Variants in CSMD3 observed in about 807,000 individuals in gnomAD.
CSMD3 encodes CUB and Sushi multiple domains 3.
Under a neutral mutation model 435.2 loss-of-function variants are expected in CSMD3, and 177 were observed. That is an observed-to-expected ratio of 0.41 (90% CI 0.36 to 0.46). The LOEUF is 0.46. Among genes scored for constraint, CSMD3 ranks in the 20% least tolerant of loss-of-function variants. CSMD3 has a pLI of 0.34. For synonymous variants in CSMD3, 1,656 were observed against 1,520.5 expected (o/e 1.09, Z -2.07); for missense variants, 4,265 against 4,504.6 (o/e 0.95, Z 1.52).
intron 60 of CSMD3, among the ~76,000 whole-genome samples, chr8:112,264,104 C>A (rs1816705390): frequency 6.6e-6 from 1 of 152,026 alleles, no homozygotes; most frequent in Non-Finnish European, 1.5e-5. Context: ...GACCTTCAAT[C>A]TAGTATACTG....
At chr8:113,380,474 A>C (rs2094410293) in intron 1 of CSMD3, among the ~76,000 whole-genome samples, 1 of 152,198 alleles carries the variant, frequency 6.6e-6, no homozygotes, top group South Asian at 2.1e-4. Context: ...AAAGAATTAG[A>C]AAAATATGAA....
chr8:112,299,961 A>G (rs942095014), intron 53 of CSMD3, among the ~76,000 whole-genome samples: 6 of 151,616 alleles, frequency 4.0e-5, no homozygotes, highest in African/African-American at 1.4e-4. Flanking sequence ...GAATAAAACC[A>G]CATACTATAT....
chr8:112,989,882 A>T lies in CSMD3; in HGVS notation c.1031-13734T>A, dbSNP rs1023912046. On this transcript the variant is annotated intron_variant, in intron 6 of 70. Coordinates refer to ENST00000297405, the MANE Select transcript of CSMD3 (RefSeq NM_198123.2). ...CTCATCTTGAATTGGAATAATCCTC[A>T]TATGTCAAGGGCAATGCCAGATGGA... is the stretch of plus-strand genomic sequence containing the variant. 2.6e-5 allele frequency among the ~76,000 whole-genome samples: 4 copies of T among 151,950 alleles called. No individual in the cohort carries two copies. The East Asian group carries it at 7.7e-4, about 29-fold the overall frequency.
chr8:113,108,152 G>T (rs1368607297), intron 4 of CSMD3, among the ~76,000 whole-genome samples: 2 of 152,068 alleles, frequency 1.3e-5, no homozygotes, highest in African/African-American at 4.8e-5. Flanking sequence ...ATATGAGGCT[G>T]GGGATGGTGG....
intron 59 of CSMD3, among the ~76,000 whole-genome samples, chr8:112,271,645 A>C (rs568970420): frequency 2.6e-5 from 4 of 152,318 alleles, no homozygotes; most frequent in Admixed American, 1.3e-4. Flanking sequence ...CTCTCTAAGA[A>C]ACCATTTATT....
At chr8:112,811,817 A>G (rs13261160) in intron 12 of CSMD3, among the ~76,000 whole-genome samples, 35,830 of 152,036 alleles carry the variant, frequency 0.24, 5,037 homozygotes, top group Non-Finnish European at 0.32. Context: ...TATTTTCTCA[A>G]TACTTGATGT....
At chr8:112,542,490 A>C (rs938638281) in intron 27 of CSMD3, among the ~76,000 whole-genome samples, 1 of 152,052 alleles carries the variant, frequency 6.6e-6, no homozygotes, top group African/African-American at 2.4e-5. Flanking sequence ...ACATACAAAA[A>C]TCAATTGTGT....
At chr8:112,801,614 A>G (rs374469639) in intron 12 of CSMD3, among the ~76,000 whole-genome samples, 3 of 152,082 alleles carry the variant, frequency 2.0e-5, no homozygotes, top group African/African-American at 7.2e-5. Flanking sequence ...TATTGTCTAT[A>G]TATACACATA....
intron 12 of CSMD3, among the ~76,000 whole-genome samples, chr8:112,823,761 T>C (rs2079594557): frequency 6.6e-6 from 1 of 152,194 alleles, no homozygotes; most frequent in African/African-American, 2.4e-5. Flanking sequence ...AATTTTAGAA[T>C]AAAGGCCATG....
chr8:113,170,814 A>T (rs1034383600), intron 4 of CSMD3, among the ~76,000 whole-genome samples: 1 of 151,930 alleles, frequency 6.6e-6, no homozygotes. Context: ...AGCTGAGGAG[A>T]AAAAAAAGTG....
chr8:112,827,838 G>C (rs1173323126), intron 12 of CSMD3, among the ~76,000 whole-genome samples: 1 of 152,136 alleles, frequency 6.6e-6, no homozygotes, highest in African/African-American at 2.4e-5. Flanking sequence ...GCCACAAAGA[G>C]GCCCTCTCCA....
intron 12 of CSMD3, among the ~76,000 whole-genome samples, chr8:112,828,856 G>A (rs896478438): frequency 3.3e-5 from 5 of 152,040 alleles, no homozygotes; most frequent in African/African-American, 1.2e-4. Flanking sequence ...AGGTGAGTAA[G>A]TTTGGTTTTT....
At chr8:112,377,511 T>A (rs959811065) in intron 38 of CSMD3, among the ~76,000 whole-genome samples, 6 of 152,088 alleles carry the variant, frequency 3.9e-5, no homozygotes, top group Non-Finnish European at 8.8e-5. Flanking sequence ...CAGTCAGCCC[T>A]GCCCTAATAC....
At chr8:112,888,045 A>C (rs2081662010) in intron 10 of CSMD3, among the ~76,000 whole-genome samples, 1 of 151,676 alleles carries the variant, frequency 6.6e-6, no homozygotes, top group African/African-American at 2.4e-5. Flanking sequence ...CAAAAATAAC[A>C]AATATAAATC....
At chr8:112,439,599 C>A (rs1814759416) in intron 32 of CSMD3, among the ~76,000 whole-genome samples, 1 of 152,038 alleles carries the variant, frequency 6.6e-6, no homozygotes, top group Admixed American at 6.6e-5. Context: ...AACTGCCTGA[C>A]ACTACGTAAT....
intron 4 of CSMD3, among the ~76,000 whole-genome samples, chr8:113,151,905 C>A (rs1225697012): frequency 6.6e-6 from 1 of 151,940 alleles, no homozygotes; most frequent in Non-Finnish European, 1.5e-5. Flanking sequence ...GGAAATATAA[C>A]CAGATGTGGC....
At chr8:113,195,814 TACACACACACAC>T (rs1015240509) in intron 3 of CSMD3, among the ~76,000 whole-genome samples, 4 of 133,444 alleles carry the variant, frequency 3.0e-5, no homozygotes, top group Admixed American at 7.5e-5. Context: ...TATATATATA[TACACACACACAC>T]ACACACACAC....
intron 3 of CSMD3, among the ~76,000 whole-genome samples, chr8:113,208,016 G>T (rs2092790865): frequency 6.6e-6 from 1 of 152,252 alleles, no homozygotes; most frequent in Non-Finnish European, 1.5e-5. Context: ...GCCGATGGTA[G>T]AATGCTTTAT....
intron 4 of CSMD3, among the ~76,000 whole-genome samples, chr8:113,167,316 T>C (rs765010023): frequency 6.6e-6 from 1 of 152,180 alleles, no homozygotes; most frequent in Non-Finnish European, 1.5e-5. Context: ...TGTTAAGCAT[T>C]AAATAAATTT....
Sources: allele counts gnomAD v4.1 joint callset (sites outside exome capture counted in the v4.1 genomes callset), GRCh38; gene constraint gnomAD v4.1.1; transcripts MANE v1.5; gene names NCBI Gene and HGNC (gene_info 2026-07-23, HGNC 2026-07-21).